The following GRID2 variants were observed in gnomAD, a reference collection of about 807,000 sequenced individuals.
The protein encoded by GRID2 is glutamate ionotropic receptor delta type subunit 2, also known as glutamate receptor ionotropic, delta-2.
In GRID2, 33 loss-of-function variants were observed where a neutral mutation model predicts 114.8. The observed-to-expected ratio is 0.29, with a 90% CI of 0.22 to 0.38. The LOEUF (loss-of-function observed/expected upper bound fraction) is 0.38, where lower values mean the gene tolerates loss of function less well. Ranked by LOEUF, GRID2 falls within the 10% of genes least tolerant of loss-of-function variation. The pLI, the probability that GRID2 is intolerant of heterozygous loss-of-function variation, is 1.00. For missense variants in GRID2, 1,184 were observed against 1,257.7 expected, an observed-to-expected ratio of 0.94 and a Z score of 0.89; for synonymous variants, 505 against 449.9, an observed-to-expected ratio of 1.12 and a Z score of -1.55.
intron 2 of GRID2, among the ~76,000 whole-genome samples, chr4:92,610,647 AC>A (rs1729673078): frequency 6.6e-6 from 1 of 151,646 alleles, no homozygotes; most frequent in African/African-American, 2.4e-5. Flanking sequence ...TAGTAAGTTT[AC>A]AGAGTTATAT....
chr4:93,578,585 G>GTTTTTTTTTTTTTTTTTT (rs1736642083), intron 13 of GRID2, among the ~76,000 whole-genome samples: 2 of 115,260 alleles, frequency 1.7e-5, no homozygotes, highest in African/African-American at 7.6e-5. Context: ...CTTGTTTTTT[G>GTTTTTTTTTTTTTTTTTT]TATTTTTTTT....
intron 2 of GRID2, among the ~76,000 whole-genome samples, chr4:92,681,967 G>C (rs949854868): frequency 1.3e-5 from 2 of 152,040 alleles, no homozygotes; most frequent in Non-Finnish European, 2.9e-5. Context: ...TTAAAGAGAG[G>C]AAACTTGGAG....
intron 1 of GRID2, among the ~76,000 whole-genome samples, chr4:92,360,367 G>A (rs1393581062): frequency 6.6e-6 from 1 of 151,762 alleles, no homozygotes; most frequent in African/African-American, 2.4e-5. Flanking sequence ...ATTCTTCTAG[G>A]ATTAGCCTGT....
intron 2 of GRID2, among the ~76,000 whole-genome samples, chr4:92,720,310 T>C (rs1006372109): frequency 6.6e-6 from 1 of 152,198 alleles, no homozygotes; most frequent in East Asian, 1.9e-4. Context: ...TTAGTCTAAA[T>C]TGATGAGGTG....
At chr4:93,410,991 A>G (rs993636388) in intron 9 of GRID2, among the ~76,000 whole-genome samples, 2 of 152,222 alleles carry the variant, frequency 1.3e-5, no homozygotes, top group African/African-American at 4.8e-5. Flanking sequence ...AAAGTTATAA[A>G]CAAATTTTTA....
intron 1 of GRID2, among the ~76,000 whole-genome samples, chr4:92,491,602 T>C (rs1286439882): frequency 6.6e-6 from 1 of 152,174 alleles, no homozygotes; most frequent in Non-Finnish European, 1.5e-5. Context: ...AAACTGATTT[T>C]TTTTCATTGT....
At chr4:92,792,256 A>G (rs1014827106) in intron 2 of GRID2, among the ~76,000 whole-genome samples, 1 of 151,800 alleles carries the variant, frequency 6.6e-6, no homozygotes, top group East Asian at 2.0e-4. Context: ...GTGGACCTCA[A>G]GCATGGTAAT....
intron 3 of GRID2, among the ~76,000 whole-genome samples, chr4:93,091,853 G>A (rs1264873245): frequency 6.6e-6 from 1 of 152,024 alleles, no homozygotes; most frequent in South Asian, 2.1e-4. Context: ...AATCCCATAA[G>A]CTCCGTTTAG....
chr4:93,069,652 T>C (rs893217863), intron 2 of GRID2, among the ~76,000 whole-genome samples: 1 of 152,012 alleles, frequency 6.6e-6, no homozygotes, highest in Non-Finnish European at 1.5e-5. Context: ...TGGTCAGTAA[T>C]TGAAGCAAGG....
intron 1 of GRID2, among the ~76,000 whole-genome samples, chr4:92,505,013 C>G (rs189318673): frequency 1.7e-4 from 26 of 151,916 alleles, no homozygotes; most frequent in African/African-American, 6.0e-4. Context: ...ATTAAACCGT[C>G]GAATCATTTA....
chr4:92,937,634 A>T (rs924182639), intron 2 of GRID2, among the ~76,000 whole-genome samples: 2 of 146,762 alleles, frequency 1.4e-5, no homozygotes, highest in Non-Finnish European at 3.0e-5. Context: ...TGAAGGGCAA[A>T]TTACCCTGTT....
At chr4:93,684,280 G>A (rs6821374) in intron 14 of GRID2, among the ~76,000 whole-genome samples, 86,113 of 151,910 alleles carry the variant, frequency 0.57, 26,526 homozygotes, top group African/African-American at 0.83. Flanking sequence ...CTGAATTTCA[G>A]TATTTTAAAT....
chr4:92,517,834 A>G (rs1724574697), intron 1 of GRID2, among the ~76,000 whole-genome samples: 1 of 151,896 alleles, frequency 6.6e-6, no homozygotes, highest in South Asian at 2.1e-4. Flanking sequence ...TTTTGTGTCC[A>G]TATCTATAAA....
intron 2 of GRID2, among the ~76,000 whole-genome samples, chr4:93,021,240 T>C (rs1723256357): frequency 6.6e-6 from 1 of 151,716 alleles, no homozygotes; most frequent in African/African-American, 2.4e-5. Context: ...ATGCATCTTA[T>C]ATACTCTTTG....
intron 13 of GRID2, among the ~76,000 whole-genome samples, chr4:93,570,619 C>T (rs989608822): frequency 6.6e-6 from 1 of 152,154 alleles, no homozygotes; most frequent in Non-Finnish European, 1.5e-5. Flanking sequence ...TAATCACTTA[C>T]ATTATGTACA....
At chr4:92,436,551 T>C (rs1732744859) in intron 1 of GRID2, among the ~76,000 whole-genome samples, 1 of 152,252 alleles carries the variant, frequency 6.6e-6, no homozygotes, top group African/African-American at 2.4e-5. Flanking sequence ...TTAACTGACA[T>C]AAGTATCATT....
intron 14 of GRID2, among the ~76,000 whole-genome samples, chr4:93,707,613 G>A (rs1377774629): frequency 6.6e-6 from 1 of 151,662 alleles, no homozygotes; most frequent in African/African-American, 2.4e-5. Context: ...CTGGCTAAAA[G>A]TTTTTTGATT....
At chr4:92,838,658 ATTT>A (rs1742651554) in intron 2 of GRID2, 1 of 152,106 alleles carries the variant, frequency 6.6e-6, no homozygotes, top group South Asian at 2.1e-4. Context: ...TAACTTTAAT[ATTT>A]TAACATGGAG....
At chr4:92,425,362 G>T (rs938657688) in intron 1 of GRID2, among the ~76,000 whole-genome samples, 1 of 152,008 alleles carries the variant, frequency 6.6e-6, no homozygotes, top group Admixed American at 6.6e-5. Flanking sequence ...GCCAAAAAAT[G>T]TCAAACACAA....
Sources: gnomAD v4.1 joint callset for allele counts (sites outside exome capture counted in the v4.1 genomes callset) on GRCh38, gnomAD v4.1.1 for gene constraint, MANE v1.5 for transcripts, NCBI Gene and HGNC (gene_info 2026-07-23, HGNC 2026-07-21) for gene names.